Variants in POU6F2 observed in about 807,000 individuals in gnomAD.
POU6F2 encodes POU domain, class 6, transcription factor 2.
POU6F2 carries 31 observed loss-of-function variants against 71.3 expected under a neutral mutation model. The observed-to-expected ratio is 0.43, with a 90% CI of 0.33 to 0.59. The LOEUF is 0.59. Among genes scored for constraint, POU6F2 ranks in the 20% least tolerant of loss-of-function variants. The pLI is 0.04. For synonymous variants in POU6F2, 347 were observed against 355.7 expected, an observed-to-expected ratio of 0.98 and a Z score of 0.27; for missense variants, 783 against 856.8, an observed-to-expected ratio of 0.91 and a Z score of 1.07.
rs191175657 is a variant in POU6F2 at position 39,338,792 on chromosome 7, G to C, written c.599-850G>C. Among the ~76,000 whole-genome samples the C allele has an allele frequency of 9.8e-4, 149 of 152,316 alleles. 1 individual carries two copies. Among genetic ancestry groups the C allele is most frequent in the Non-Finnish European group, 1.1e-3 (78 of 68,036 alleles). On this transcript the variant is annotated intron_variant, in intron 4 of 9. Coordinates refer to ENST00000518318, the MANE Select transcript of POU6F2 (RefSeq NM_001370959.1). ...AGCTTCCTTCTGCAGAAATTGTTCA[G>C]TGCTACATGGGCATGTGAGAACAAA... is the stretch of plus-strand genomic sequence containing the variant.
At chr7:39,320,970 C>T (rs111533824) in intron 4 of POU6F2, among the ~76,000 whole-genome samples, 22 of 152,254 alleles carry the variant, frequency 1.4e-4, no homozygotes, top group African/African-American at 4.6e-4. Context: ...GTGGGAGGAT[C>T]GCTTGATCCC....
intron 5 of POU6F2, among the ~76,000 whole-genome samples, chr7:39,388,170 A>T (rs887013): frequency 0.32 from 48,561 of 152,058 alleles, 7,852 homozygotes; most frequent in South Asian, 0.41. Flanking sequence ...CTGTCCTGCG[A>T]CAGTGCTCAC....
At position 39,327,147 on chromosome 7, in the gene POU6F2, C is replaced by T. The variant is rs111836897; in HGVS notation, c.599-12495C>T. On this transcript the variant is annotated intron_variant, in intron 4 of 9. Coordinates refer to ENST00000518318, the MANE Select transcript of POU6F2 (RefSeq NM_001370959.1). The stretch of plus-strand genomic sequence containing the variant: ...ACAAAAAATCAGCCTGGCGTGGTGG[C>T]GGGCGCCTGTAGTCCCAGCTACTTG... Among the ~76,000 whole-genome samples the T allele has an allele frequency of 3.0e-3, 449 of 151,996 alleles. 1 individual carries two copies. The highest frequency in any genetic ancestry group is 0.01 in the African/African-American group (426 of 41,446).
intron 7 of POU6F2, among the ~76,000 whole-genome samples, chr7:39,439,880 T>TA (rs35905089): frequency 6.6e-5 from 10 of 151,864 alleles, no homozygotes; most frequent in Non-Finnish European, 8.8e-5. Flanking sequence ...GGTATGGTGG[T>TA]AAAAAAAATG....
intron 2 of POU6F2, among the ~76,000 whole-genome samples, chr7:39,182,307 C>T (rs1447503530): frequency 6.6e-6 from 1 of 152,156 alleles, no homozygotes; most frequent in African/African-American, 2.4e-5. Flanking sequence ...CCTTTTTTCA[C>T]ATTCCTCAAA....
chr7:38,979,335 C>G (rs948454147), intron 1 of POU6F2, among the ~76,000 whole-genome samples: 29 of 152,068 alleles, frequency 1.9e-4, no homozygotes, highest in African/African-American at 6.5e-4. Context: ...TATAGAAAAG[C>G]ACTTCAGGGT....
chr7:39,267,362 G>A (rs1041078924), intron 4 of POU6F2, among the ~76,000 whole-genome samples: 1 of 152,102 alleles, frequency 6.6e-6, no homozygotes, highest in Non-Finnish European at 1.5e-5. Flanking sequence ...CAATCGTTCA[G>A]GAATTAATTC....
chr7:39,244,397 C>A (rs139522665), intron 4 of POU6F2, among the ~76,000 whole-genome samples: 3 of 152,106 alleles, frequency 2.0e-5, no homozygotes, highest in Non-Finnish European at 4.4e-5. Context: ...ACTCGTTGCC[C>A]GTGTGACCAT....
At chr7:39,411,658 T>C (rs1375099952) in intron 6 of POU6F2, among the ~76,000 whole-genome samples, 1 of 152,150 alleles carries the variant, frequency 6.6e-6, no homozygotes, top group African/African-American at 2.4e-5. Flanking sequence ...GTTGGTTTGG[T>C]GAGATTTGGA....
chr7:39,052,164 G>A (rs1358767363), intron 1 of POU6F2, among the ~76,000 whole-genome samples: 1 of 152,080 alleles, frequency 6.6e-6, no homozygotes, highest in African/African-American at 2.4e-5. Flanking sequence ...TGTGACAGGA[G>A]CCATACCTAG....
chr7:39,222,353 A>C (rs1794383672), intron 4 of POU6F2, among the ~76,000 whole-genome samples: 1 of 152,244 alleles, frequency 6.6e-6, no homozygotes. Context: ...TAGTTAGAGA[A>C]GTTGACAAAA....
intron 4 of POU6F2, among the ~76,000 whole-genome samples, chr7:39,320,468 A>AT (rs749814261): frequency 8.6e-5 from 13 of 151,946 alleles, no homozygotes; most frequent in Non-Finnish European, 1.2e-4. Context: ...TAAAGGGTAC[A>AT]TTTTTTTTAT....
intron 4 of POU6F2, among the ~76,000 whole-genome samples, chr7:39,233,186 A>C (rs1047852048): frequency 6.6e-6 from 1 of 152,148 alleles, no homozygotes; most frequent in Non-Finnish European, 1.5e-5. Context: ...AGTGTGAGTA[A>C]TACAGAGGTC....
chr7:39,269,234 G>T (rs1784301954), intron 4 of POU6F2, among the ~76,000 whole-genome samples: 1 of 152,158 alleles, frequency 6.6e-6, no homozygotes, highest in Non-Finnish European at 1.5e-5. Flanking sequence ...GACCCCAGGG[G>T]AGAGAAGGAA....
At chr7:39,458,171 G>A (rs903149063) in intron 8 of POU6F2, among the ~76,000 whole-genome samples, 3 of 152,014 alleles carry the variant, frequency 2.0e-5, no homozygotes, top group Non-Finnish European at 4.4e-5. Context: ...TGCTTTAAAC[G>A]CAGGGTCACA....
At chr7:39,193,016 A>G (rs1412460668) in intron 2 of POU6F2, among the ~76,000 whole-genome samples, 1 of 152,056 alleles carries the variant, frequency 6.6e-6, no homozygotes, top group Non-Finnish European at 1.5e-5. Flanking sequence ...ATTGTGCATC[A>G]CCTAGGGGCT....
intron 2 of POU6F2, among the ~76,000 whole-genome samples, chr7:39,126,354 G>A (rs1248622574): frequency 6.6e-6 from 1 of 152,214 alleles, no homozygotes; most frequent in African/African-American, 2.4e-5. Context: ...GTCCAACTGT[G>A]AGAAGGGCAT....
At chr7:39,325,753 AG>A (rs1785491856) in intron 4 of POU6F2, among the ~76,000 whole-genome samples, 1 of 152,250 alleles carries the variant, frequency 6.6e-6, no homozygotes. Flanking sequence ...TGTTTAAACC[AG>A]GCACAGTAGC....
chr7:39,421,703 T>C (rs1787854557), intron 6 of POU6F2, among the ~76,000 whole-genome samples: 1 of 152,216 alleles, frequency 6.6e-6, no homozygotes, highest in African/African-American at 2.4e-5. Context: ...GTTGTTTGTT[T>C]GTTTGTTTGC....
Sources: allele counts gnomAD v4.1 joint callset (sites outside exome capture counted in the v4.1 genomes callset), GRCh38; gene constraint gnomAD v4.1.1; transcripts MANE v1.5; gene names NCBI Gene and HGNC (gene_info 2026-07-23, HGNC 2026-07-21).